MOXD1: variants seen among roughly 807,000 people sequenced by gnomAD.
MOXD1 encodes the protein DBH-like monooxygenase protein 1.
MOXD1 carries 62 observed loss-of-function variants against 66.6 expected under a neutral mutation model. The ratio of observed to expected loss-of-function variants is 0.93; its 90% CI spans 0.76 to 1.15. The LOEUF is 1.15. Among genes scored for constraint, MOXD1 ranks in the 50% most tolerant of loss-of-function variants. The pLI, the probability that MOXD1 is intolerant of heterozygous loss-of-function variation, is 0.00. For synonymous variants in MOXD1, 303 were observed against 281.9 expected (o/e 1.07, Z -0.75); for missense variants, 847 against 754.6 (o/e 1.12, Z -1.44).
intron 1 of MOXD1, among the ~76,000 whole-genome samples, chr6:132,385,965 T>C (rs532846366): frequency 6.8e-6 from 1 of 147,840 alleles, no homozygotes; most frequent in Non-Finnish European, 1.5e-5. Context: ...TAGCTGGGCG[T>C]GGTGGCGGGC....
intron 4 of MOXD1, among the ~76,000 whole-genome samples, chr6:132,365,115 T>G (rs1776092872): frequency 7.0e-6 from 1 of 143,534 alleles, no homozygotes; most frequent in Non-Finnish European, 1.5e-5. Flanking sequence ...AATTTAAAGA[T>G]AAAAAAGTGA....
rs1298306384 is a variant in MOXD1, at chr6:132,349,422, C to CAT, written c.664-20830_664-20829dup. 3.0e-4 allele frequency among the ~76,000 whole-genome samples: 11 copies of CAT among 36,936 alleles called. 1 individual carries two copies. Among genetic ancestry groups the CAT allele is most frequent in the East Asian group, 2.8e-3 (2 of 714 alleles). The allele number at this position is 36,936 out of a possible 152,430, so 24.2% of individuals were successfully genotyped here. Reference sequence around the variant, plus strand: ...ATATATATACATATATATATATATACATATATATATATACATATATATATA... The same window carrying CAT: ...ATATATATACATATATATATATATACATATATATATATATACATATATATATA... On this transcript the variant is annotated intron_variant, in intron 4 of 11. Transcript: ENST00000367963.
intron 10 of MOXD1, among the ~76,000 whole-genome samples, chr6:132,304,532 TG>T (rs1774643961): frequency 6.6e-6 from 1 of 152,168 alleles, no homozygotes; most frequent in Non-Finnish European, 1.5e-5. Flanking sequence ...AACTGGGACA[TG>T]TACAGTAGAG....
chr6:132,372,804 C>T, intron 3 of MOXD1, 26 bp downstream of exon 3: 2 of 1,611,940 alleles, frequency 1.2e-6, no homozygotes, highest in Non-Finnish European at 1.7e-6. Flanking sequence ...CCCATCCCTA[C>T]AATCATAAAA....
chr6:132,335,569 A>G (rs1055030741), intron 4 of MOXD1, among the ~76,000 whole-genome samples: 3 of 152,152 alleles, frequency 2.0e-5, no homozygotes, highest in East Asian at 1.9e-4. Flanking sequence ...GGAATGCCAG[A>G]AGCTACCAGA....
intron 4 of MOXD1, among the ~76,000 whole-genome samples, chr6:132,366,074 T>C (rs575565872): frequency 6.6e-6 from 1 of 152,298 alleles, no homozygotes; most frequent in Admixed American, 6.5e-5. Context: ...ATTTTATCAA[T>C]TGATGACAAA....
chr6:132,369,475 A>ATT (rs35080857), intron 4 of MOXD1, among the ~76,000 whole-genome samples: 4 of 148,342 alleles, frequency 2.7e-5, no homozygotes, highest in Non-Finnish European at 1.5e-5. Flanking sequence ...CAACCTTATC[A>ATT]TTTTTTTTTT....
intron 1 of MOXD1, among the ~76,000 whole-genome samples, chr6:132,387,191 T>A (rs1343595582): frequency 6.6e-6 from 1 of 151,348 alleles, no homozygotes; most frequent in Non-Finnish European, 1.5e-5. Flanking sequence ...ATATGAACAG[T>A]AGAATTTTAG....
At chr6:132,392,439 G>A (rs1776786927) in intron 1 of MOXD1, 8 of 1,280,158 alleles carry the variant, frequency 6.2e-6, no homozygotes, top group African/African-American at 6.0e-5. Flanking sequence ...CACAAACTCA[G>A]CATTCATCGG....
intron 1 of MOXD1, among the ~76,000 whole-genome samples, chr6:132,393,294 T>C (rs1776807280): frequency 6.6e-6 from 1 of 152,190 alleles, no homozygotes; most frequent in Non-Finnish European, 1.5e-5. Context: ...TAAATGCATC[T>C]GGTACTCACC....
chr6:132,363,625 T>G (rs1776060308), intron 4 of MOXD1, among the ~76,000 whole-genome samples: 1 of 152,200 alleles, frequency 6.6e-6, no homozygotes, highest in South Asian at 2.1e-4. Flanking sequence ...CTACTTCACC[T>G]AATTTGTGTA....
At position 132,393,004 on chromosome 6, in the gene MOXD1, G is replaced by A. The variant is rs567224324; in HGVS notation, c.264+8159C>T. On this transcript the variant is annotated intron_variant, in intron 1 of 11. Transcript: ENST00000367963. ...ACTGCCCTCTGGAGGTAGTCTCATT[G>A]GATCTAACCCTGAATTAATGATTGC... is the stretch of plus-strand genomic sequence containing the variant. 3.3e-4 allele frequency among the ~76,000 whole-genome samples: 50 copies of A among 152,288 alleles called. 1 individual carries two copies. In the South Asian group the frequency reaches 1.0e-2, roughly 30 times the overall value.
intron 6 of MOXD1, among the ~76,000 whole-genome samples, chr6:132,326,688 T>C (rs1775194293): frequency 6.6e-6 from 1 of 152,188 alleles, no homozygotes; most frequent in Non-Finnish European, 1.5e-5. Flanking sequence ...ATGAAAGTTT[T>C]AAACTTTTAA....
rs144835594 is a variant in MOXD1 at position 132,329,296 on chromosome 6, C to T, written c.664-702G>A. 1.1e-3 allele frequency among the ~76,000 whole-genome samples: 175 copies of T among 152,276 alleles called. 1 individual carries two copies. The highest frequency in any genetic ancestry group is 6.8e-3 in the Middle Eastern group (2 of 294). ...CATGTCCCTACAAAGGACACGAACA[C>T]GAACTCATCCGTTTTTATGGCTGCA... On this transcript the variant is annotated intron_variant, in intron 4 of 11. Transcript: ENST00000367963.
At chr6:132,303,912 G>T (rs1774629617) in intron 10 of MOXD1, among the ~76,000 whole-genome samples, 1 of 134,608 alleles carries the variant, frequency 7.4e-6, no homozygotes, top group African/African-American at 2.8e-5. Flanking sequence ...ACAATTCTCT[G>T]GGTGGCCCTG....
intron 4 of MOXD1, among the ~76,000 whole-genome samples, chr6:132,354,775 G>T (rs564648299): frequency 2.0e-5 from 3 of 152,246 alleles, no homozygotes; most frequent in African/African-American, 4.8e-5. Flanking sequence ...CCCATCAGGT[G>T]GGGGCAGGGC....
intron 4 of MOXD1, among the ~76,000 whole-genome samples, chr6:132,363,548 G>C (rs983634967): frequency 3.3e-5 from 5 of 151,926 alleles, no homozygotes; most frequent in African/African-American, 7.3e-5. Context: ...GAAGTAGAAG[G>C]CTAGCAAAAT....
intron 8 of MOXD1, among the ~76,000 whole-genome samples, chr6:132,321,091 C>T (rs188606485): frequency 2.6e-4 from 40 of 152,154 alleles, no homozygotes; most frequent in African/African-American, 6.5e-4. Context: ...ATGGTGAAAC[C>T]GCGTCTCTAC....
At chr6:132,381,158 T>G (rs1776500212) in intron 1 of MOXD1, among the ~76,000 whole-genome samples, 3 of 152,248 alleles carry the variant, frequency 2.0e-5, no homozygotes, top group African/African-American at 4.8e-5. Context: ...CATGCATATA[T>G]TTGAAAAGGA....
Sources: allele counts gnomAD v4.1 joint callset (sites outside exome capture counted in the v4.1 genomes callset), GRCh38; gene constraint gnomAD v4.1.1; transcripts MANE v1.5; gene names NCBI Gene and HGNC (gene_info 2026-07-23, HGNC 2026-07-21).